HOMER1: variants seen among roughly 807,000 people sequenced by gnomAD.
HOMER1 encodes the protein homer scaffold protein 1, also known as homer protein homolog 1.
Under a neutral mutation model 48.9 loss-of-function variants are expected in HOMER1, and 3 were observed. That is an observed-to-expected ratio of 0.06 (90% confidence interval 0.03 to 0.16). The LOEUF is 0.16. HOMER1 is among the 10% of genes least tolerant of loss of function. The pLI is 1.00. For synonymous variants in HOMER1, 134 were observed against 146.4 expected (o/e 0.92, Z 0.61); for missense variants, 247 against 411.4 (o/e 0.60, Z 3.46).
At chr5:79,410,846 T>A (rs1166153147) in intron 5 of HOMER1, among the ~76,000 whole-genome samples, 1 of 152,236 alleles carries the variant, frequency 6.6e-6, no homozygotes, top group Non-Finnish European at 1.5e-5. Flanking sequence ...GGAATACTTG[T>A]TTAGAACTGT....
At chr5:79,454,080 A>G (rs769294675) in intron 2 of HOMER1, among the ~76,000 whole-genome samples, 5 of 152,248 alleles carry the variant, frequency 3.3e-5, no homozygotes, top group Non-Finnish European at 7.3e-5. Context: ...ACAATCAGCA[A>G]CGTATATTCA....
chr5:79,460,751 G>C (rs1053024780), intron 1 of HOMER1, among the ~76,000 whole-genome samples: 2 of 152,138 alleles, frequency 1.3e-5, no homozygotes, highest in Non-Finnish European at 2.9e-5. Flanking sequence ...TAGCATCCAG[G>C]AACGCCGCTA....
chr5:79,452,139 A>G (rs1219262572), intron 2 of HOMER1, among the ~76,000 whole-genome samples: 4 of 152,194 alleles, frequency 2.6e-5, no homozygotes, highest in African/African-American at 9.6e-5. Flanking sequence ...TTCACATCCT[A>G]CAAATACTGT....
intron 8 of HOMER1, among the ~76,000 whole-genome samples, chr5:79,378,468 A>C (rs1489223779): frequency 6.6e-6 from 1 of 152,140 alleles, no homozygotes; most frequent in Non-Finnish European, 1.5e-5. Context: ...CACTTTGGTT[A>C]ATCTGCAAGG....
chr5:79,451,170 G>T (rs572755840), intron 2 of HOMER1, 49 bp from the exon 3 acceptor site: 1 of 1,594,894 alleles, frequency 6.3e-7, no homozygotes, highest in Non-Finnish European at 8.6e-7. Flanking sequence ...CAGCAAACAG[G>T]CATTTAAATA....
intron 5 of HOMER1, among the ~76,000 whole-genome samples, chr5:79,425,466 TTCTC>T (rs888567553): frequency 1.3e-5 from 2 of 152,040 alleles, no homozygotes; most frequent in African/African-American, 4.8e-5. Context: ...TTCAAGATAA[TTCTC>T]TCTCTGCAAA....
intron 8 of HOMER1, among the ~76,000 whole-genome samples, chr5:79,383,826 A>G (rs1387503776): frequency 6.6e-6 from 1 of 152,210 alleles, no homozygotes; most frequent in Non-Finnish European, 1.5e-5. Flanking sequence ...CCACAATGGA[A>G]TAAAACCAGA....
Position 79,507,773 on chromosome 5 carries a change from C to G in HOMER1, c.5+4997G>C, listed in dbSNP as rs186330163. Among the ~76,000 whole-genome samples, 111 of 151,968 alleles carry G rather than the reference C, an allele frequency of 7.3e-4. 1 individual carries two copies. The highest frequency in any genetic ancestry group is 2.6e-3 in the African/African-American group (107 of 41,462). ...ACCTTTTGGGATATAACCACCTTTTCTTCTGAGATGTTTAATCACTCAAAA... is the reference window on the plus strand; with the variant it reads ...ACCTTTTGGGATATAACCACCTTTTGTTCTGAGATGTTTAATCACTCAAAA... On this transcript the variant is annotated intron_variant, in intron 1 of 8. Transcript: ENST00000334082.
chr5:79,406,603 T>C (rs1046381355), intron 5 of HOMER1, among the ~76,000 whole-genome samples: 4 of 152,202 alleles, frequency 2.6e-5, no homozygotes, highest in Non-Finnish European at 4.4e-5. Context: ...GCCAAGACCC[T>C]TCTTCTCCAC....
chr5:79,472,375 T>C (rs1751645888), intron 1 of HOMER1, among the ~76,000 whole-genome samples: 1 of 152,238 alleles, frequency 6.6e-6, no homozygotes, highest in Non-Finnish European at 1.5e-5. Flanking sequence ...TGGAATATTG[T>C]CTTAAATAAA....
At chr5:79,493,190 T>C (rs564992584) in intron 1 of HOMER1, among the ~76,000 whole-genome samples, 1 of 152,232 alleles carries the variant, frequency 6.6e-6, no homozygotes, top group South Asian at 2.1e-4. Context: ...AGTGCTGGGA[T>C]TACAGGCCTG....
chr5:79,388,360 G>C (rs1749168672), intron 8 of HOMER1, among the ~76,000 whole-genome samples: 1 of 152,092 alleles, frequency 6.6e-6, no homozygotes, highest in Non-Finnish European at 1.5e-5. Context: ...GGGTGTTTTT[G>C]AACTAACAAT....
At chr5:79,431,150 T>C (rs1750413241) in intron 5 of HOMER1, among the ~76,000 whole-genome samples, 1 of 151,892 alleles carries the variant, frequency 6.6e-6, no homozygotes, top group Admixed American at 6.6e-5. Context: ...GCCAAAATGG[T>C]GAAAGCCCAT....
chr5:79,474,983 G>C (rs1165825136), intron 1 of HOMER1, among the ~76,000 whole-genome samples: 1 of 152,156 alleles, frequency 6.6e-6, no homozygotes, highest in Non-Finnish European at 1.5e-5. Context: ...TCCCAAAGGA[G>C]GGAAGCCACA....
Position 79,507,318 on chromosome 5 carries a change from C to G in HOMER1, c.5+5452G>C, listed in dbSNP as rs572808038. Among the ~76,000 whole-genome samples the G allele has an allele frequency of 1.4e-4, 21 of 149,816 alleles. No homozygotes were observed. The Middle Eastern group carries it at 0.011, about 76-fold the overall frequency. ...ATGTGAAAATTTTATCTCAATTCTT[C>G]TAGATGGTAGATGGGCTAAAATCTA... On this transcript the variant is annotated intron_variant, in intron 1 of 8. Transcript: ENST00000334082.
intron 2 of HOMER1, among the ~76,000 whole-genome samples, chr5:79,453,607 T>C (rs1220754789): frequency 1.3e-5 from 2 of 152,192 alleles, no homozygotes; most frequent in Non-Finnish European, 2.9e-5. Context: ...CTCTCAACCC[T>C]GGAGTTCTAG....
intron 8 of HOMER1, among the ~76,000 whole-genome samples, chr5:79,382,160 G>A (rs1045340404): frequency 4.6e-5 from 7 of 151,998 alleles, no homozygotes; most frequent in Admixed American, 6.6e-5. Flanking sequence ...TGTGACATAC[G>A]GGACACCATA....
intron 1 of HOMER1, among the ~76,000 whole-genome samples, chr5:79,485,355 G>C (rs1242697668): frequency 6.6e-6 from 1 of 152,028 alleles, no homozygotes; most frequent in East Asian, 1.9e-4. Flanking sequence ...TATTCCAACT[G>C]AGTTCTCCTC....
chr5:79,434,137 A>G (rs1281492221), intron 5 of HOMER1, among the ~76,000 whole-genome samples: 2 of 152,130 alleles, frequency 1.3e-5, no homozygotes, highest in African/African-American at 4.8e-5. Flanking sequence ...CTGCTAATGT[A>G]TATGTCTTTT....
Sources: allele counts gnomAD v4.1 joint callset (sites outside exome capture counted in the v4.1 genomes callset), GRCh38; gene constraint gnomAD v4.1.1; transcripts MANE v1.5; gene names NCBI Gene and HGNC (gene_info 2026-07-23, HGNC 2026-07-21).